LRRC4B: variants seen among roughly 807,000 people sequenced by gnomAD.
The protein encoded by LRRC4B is leucine rich repeat containing 4B.
A neutral mutation model predicts 7.3 loss-of-function variants in LRRC4B; 1 was observed. The observed-to-expected ratio is 0.14, with a 90% CI of 0.05 to 0.65. LRRC4B has a LOEUF of 0.65. Ranked by LOEUF, LRRC4B falls within the 30% of genes least tolerant of loss-of-function variation. The probability of loss-of-function intolerance (pLI) is 0.84; values close to 1 mark genes in which losing one functional copy is unlikely to be tolerated. For missense variants in LRRC4B, 730 were observed against 1,041.6 expected, an observed-to-expected ratio of 0.70 and a Z score of 4.12; for synonymous variants, 500 against 499.2, an observed-to-expected ratio of 1.00 and a Z score of -0.02.
chr19:50,554,792 C>A (rs1982215711), intron 1 of LRRC4B, among the ~76,000 whole-genome samples: 1 of 152,236 alleles, frequency 6.6e-6, no homozygotes, highest in Non-Finnish European at 1.5e-5. Context: ...GCTAGCAAAG[C>A]TGAGACACAC....
At chr19:50,551,250 T>C (rs1255795047) in intron 1 of LRRC4B, among the ~76,000 whole-genome samples, 2 of 149,932 alleles carry the variant, frequency 1.3e-5, no homozygotes, top group Non-Finnish European at 3.0e-5. Context: ...TCCACATGCC[T>C]CCGGCCAGCC....
intron 2 of LRRC4B, among the ~76,000 whole-genome samples, chr19:50,525,977 G>A (rs1980793829): frequency 6.6e-6 from 1 of 152,088 alleles, no homozygotes; most frequent in Non-Finnish European, 1.5e-5. Flanking sequence ...CCGAGATAAC[G>A]CCATTGTACT....
At chr19:50,562,731 TTTTTTTTTTTG>T (rs1289701841) in intron 1 of LRRC4B, among the ~76,000 whole-genome samples, 35 of 97,514 alleles carry the variant, frequency 3.6e-4, no homozygotes, top group African/African-American at 1.5e-3. Context: ...CCATCCAGGG[TTTTTTTTTTTG>T]TTTTTTTTTT....
intron 2 of LRRC4B, among the ~76,000 whole-genome samples, chr19:50,546,270 G>A (rs1981800584): frequency 6.6e-6 from 1 of 152,124 alleles, no homozygotes; most frequent in Non-Finnish European, 1.5e-5. Context: ...GGGAGGTGGA[G>A]GTTACAATGA....
rs1195520296 is a variant in LRRC4B, at chr19:50,548,776, G to A, written c.63C>T (p.His21=). ...PLPPGRMSWP[H]GALLFLWLFS... Reference sequence around the variant, plus strand: ...AGAGCCAGAGGAAGAGCAATGCCCCGTGGGGCCAGGACATCCTACCGGGCG... The same window carrying A: ...AGAGCCAGAGGAAGAGCAATGCCCCATGGGGCCAGGACATCCTACCGGGCG... Residue 21 remains histidine, a synonymous_variant, in exon 2 of 3, where the codon CAC becomes CAT. Transcript: ENST00000652263. The surrounding 1 kb of genome is among the most constrained non-coding windows in gnomAD (Gnocchi z 6.8). The A allele has an allele frequency of 6.5e-6, 10 of 1,531,152 alleles. No individual in the cohort carries two copies. Among genetic ancestry groups the A allele is most frequent in the Middle Eastern group, 1.8e-4 (1 of 5,406 alleles). The allele number at this position is 1,531,152 out of a possible 1,614,324, so 94.8% of individuals were successfully genotyped here. A position where few individuals can be genotyped will look rare whatever the true frequency, so the allele number is the denominator to read the frequency against.
At chr19:50,564,010 A>C (rs1012143301) in intron 1 of LRRC4B, among the ~76,000 whole-genome samples, 1 of 152,106 alleles carries the variant, frequency 6.6e-6, no homozygotes, top group African/African-American at 2.4e-5. Flanking sequence ...GGCAAGGGAA[A>C]CCAAGGGAAG....
chr19:50,527,710 C>G (rs933411033), intron 2 of LRRC4B, among the ~76,000 whole-genome samples: 25 of 147,912 alleles, frequency 1.7e-4, no homozygotes, highest in African/African-American at 6.1e-4. Context: ...GTCTCTTTCC[C>G]TCCCTCCCTC....
chr19:50,535,058 C>G (rs562396453), intron 2 of LRRC4B, among the ~76,000 whole-genome samples: 1 of 151,700 alleles, frequency 6.6e-6, no homozygotes, highest in Non-Finnish European at 1.5e-5. Flanking sequence ...TTAGTAGAGA[C>G]AGGGTTTCAC....
At position 50,553,408 on chromosome 19, in the gene LRRC4B, T is replaced by G. The variant is rs553018256; in HGVS notation, c.-35-4535A>C. 3.9e-4 allele frequency among the ~76,000 whole-genome samples: 60 copies of G among 152,282 alleles called. No homozygotes were observed. Among genetic ancestry groups the G allele is most frequent in the African/African-American group, 1.3e-3 (55 of 41,570 alleles). On this transcript the variant is annotated intron_variant, in intron 1 of 2. Transcript: ENST00000652263. This position sits in a 1 kb window ranked among gnomAD's most constrained non-coding sequence, Gnocchi z 4.2. ...CCAGCTCCTCCTCTGACCTCATCGC[T>G]TCCCTCCTCCCCCTGCTCACTCGCT... is the stretch of plus-strand genomic sequence containing the variant.
At chr19:50,538,347 G>C (rs1599771167) in intron 2 of LRRC4B, among the ~76,000 whole-genome samples, 1 of 152,180 alleles carries the variant, frequency 6.6e-6, no homozygotes, top group African/African-American at 2.4e-5. Flanking sequence ...ACAGGCGCGA[G>C]CCACCGCGCC....
intron 1 of LRRC4B, among the ~76,000 whole-genome samples, chr19:50,552,893 A>T (rs1338859131): frequency 6.6e-6 from 1 of 152,132 alleles, no homozygotes; most frequent in Non-Finnish European, 1.5e-5. Context: ...ACCTCTCGAG[A>T]GTGGGGCACA....
intron 1 of LRRC4B, among the ~76,000 whole-genome samples, chr19:50,560,796 C>T (rs1307713680): frequency 1.3e-5 from 2 of 152,120 alleles, no homozygotes; most frequent in Non-Finnish European, 2.9e-5. Flanking sequence ...TAAAAGTTAT[C>T]ATTTATTCTC....
Position 50,543,746 on chromosome 19 carries a change from G to A in LRRC4B, c.297+4796C>T, listed in dbSNP as rs191606401. On this transcript the variant is annotated intron_variant, in intron 2 of 2. Coordinates refer to ENST00000652263, the MANE Select transcript of LRRC4B (RefSeq NM_001080457.2). ...TGGGCACCTGTAGTCTCAGCTACTCGGGAGGCTAAGGCAGGAGAATCTCCT... is the reference window on the plus strand; with the variant it reads ...TGGGCACCTGTAGTCTCAGCTACTCAGGAGGCTAAGGCAGGAGAATCTCCT... 3.3e-4 allele frequency among the ~76,000 whole-genome samples: 50 copies of A among 151,022 alleles called. 1 individual carries two copies. In the East Asian group the frequency reaches 8.7e-3, roughly 26 times the overall value.
rs975477753 is a variant in LRRC4B at position 50,556,003 on chromosome 19, AG to A, written c.-35-7131del. Among the ~76,000 whole-genome samples, 8 of 151,920 alleles carry A rather than the reference AG, an allele frequency of 5.3e-5. No homozygotes were observed. The highest frequency in any genetic ancestry group is 2.0e-4 in the Admixed American group (3 of 15,268). On this transcript the variant is annotated intron_variant, in intron 1 of 2. Coordinates refer to ENST00000652263, the MANE Select transcript of LRRC4B (RefSeq NM_001080457.2). The surrounding 1 kb of genome is among the most constrained non-coding windows in gnomAD (Gnocchi z 4.2). ...ATGGGAGAGACCCGGGTTCTGGGGG[AG>A]GGGACAGGCAGCGCTGGCGTTCTGA...
intron 2 of LRRC4B, among the ~76,000 whole-genome samples, chr19:50,526,243 C>T (rs1196123390): frequency 6.6e-6 from 1 of 152,148 alleles, no homozygotes; most frequent in East Asian, 1.9e-4. Flanking sequence ...TCCTCCTCTA[C>T]TTGTTTCCCC....
chr19:50,522,472 T>TTATTTATG lies in LRRC4B; in HGVS notation c.298-3058_298-3057insCATAAATA, dbSNP rs1361986061. 2.9e-3 allele frequency among the ~76,000 whole-genome samples: 438 copies of TTATTTATG among 148,542 alleles called. 3 individuals are homozygous for TTATTTATG. The highest frequency in any genetic ancestry group is 0.011 in the African/African-American group (418 of 38,692). On this transcript the variant is annotated intron_variant, in intron 2 of 2. Transcript: ENST00000652263. Reference sequence around the variant, plus strand: ...GCTATTTTATTTATTATTTATTTATTTATTTATTTATTTATTTATTTTGAG... The same window carrying TTATTTATG: ...GCTATTTTATTTATTATTTATTTATTTATTTATGTATTTATTTATTTATTTATTTTGAG...
intron 1 of LRRC4B, chr19:50,557,853 C>T (rs531970626): frequency 6.6e-6 from 1 of 152,286 alleles, no homozygotes; most frequent in African/African-American, 2.4e-5. Flanking sequence ...GACAGCAAGA[C>T]AACCGCCCCC....
chr19:50,546,352 A>AAATT, intron 2 of LRRC4B, among the ~76,000 whole-genome samples: 1 of 151,472 alleles, frequency 6.6e-6, no homozygotes, highest in East Asian at 2.0e-4. Context: ...ATAAATAAAT[A>AAATT]AATACAAAAA....
rs755896566 is a variant in LRRC4B, at chr19:50,518,995, G to A, written c.718C>T (p.Arg240Trp). 6.2e-7 allele frequency: 1 copy of A among 1,612,698 alleles called. No individual in the cohort carries two copies. The highest frequency in any genetic ancestry group is 1.1e-5 in the South Asian group (1 of 91,020). The stretch of plus-strand genomic sequence containing the variant: ...GAGCCCGGGCGGATCAGGTCCAGCC[G>A]GTTGCCCGACAGCTCCAGCTCCTCC... ...RLEELELSGN[R>W]LDLIRPGSFQ... The change falls in exon 3 of 3, where the codon CGG (arginine) becomes TGG (tryptophan). Residue 240 changes from arginine to tryptophan, a missense_variant. Arg to Trp is a moderately radical substitution (Grantham distance 101). Transcript: ENST00000652263.
Sources: allele counts gnomAD v4.1 joint callset (sites outside exome capture counted in the v4.1 genomes callset), GRCh38; gene constraint gnomAD v4.1.1; non-coding constraint Gnocchi (gnomAD v3.1); transcripts MANE v1.5; gene names NCBI Gene and HGNC (gene_info 2026-07-23, HGNC 2026-07-21).